GTF3C4: variants seen among roughly 807,000 people sequenced by gnomAD.
GTF3C4 encodes the protein general transcription factor IIIC subunit 4.
GTF3C4 carries 28 observed loss-of-function variants against 67.5 expected under a neutral mutation model. That is an observed-to-expected ratio of 0.41 (90% CI 0.31 to 0.57). The LOEUF (loss-of-function observed/expected upper bound fraction) is 0.57, where lower values mean the gene tolerates loss of function less well. Among genes scored for constraint, GTF3C4 ranks in the 20% least tolerant of loss-of-function variants. The pLI is 0.21. For synonymous variants in GTF3C4, 409 were observed against 393.0 expected (o/e 1.04, Z -0.48); for missense variants, 831 against 1,033.2 (o/e 0.80, Z 2.68).
chr9:132,682,748 G>T (rs1453764101), intron 2 of GTF3C4, among the ~76,000 whole-genome samples: 1 of 151,834 alleles, frequency 6.6e-6, no homozygotes, highest in African/African-American at 2.4e-5. Context: ...GGAATTACAG[G>T]TATGTGCCAC....
rs1836073699 is a variant in GTF3C4, at chr9:132,689,062, C to T, written c.*117C>T. The T allele has an allele frequency of 4.0e-6, 3 of 746,608 alleles. No individual in the cohort carries two copies. Among genetic ancestry groups the T allele is most frequent in the South Asian group, 1.5e-5 (1 of 67,060 alleles). The allele number at this position is 746,608 out of a possible 1,614,324, so 46.2% of individuals were successfully genotyped here. ...GGACCCTCACGAGTGGAGAGAAGTC[C>T]TTGGTGATTGTAAAGAGGGCCCCTG... is the stretch of plus-strand genomic sequence containing the variant. On this transcript the variant is annotated 3_prime_UTR_variant, in exon 5 of 5. Coordinates refer to ENST00000372146, the MANE Select transcript of GTF3C4 (RefSeq NM_012204.4).
chr9:132,693,359 A>AT lies in GTF3C4; in HGVS notation c.*4415dup, dbSNP rs1169165688. On this transcript the variant is annotated 3_prime_UTR_variant, in exon 5 of 5. Transcript: ENST00000372146. The stretch of plus-strand genomic sequence containing the variant: ...CAGCTTATCTTGTATTTTCTGAGTC[A>AT]TAACTATACTCTAGGGCCAAGACCT... 6.6e-6 allele frequency: 1 copy of AT among 152,230 alleles called. No individual in the cohort carries two copies. Among genetic ancestry groups the AT allele is most frequent in the Non-Finnish European group, 1.5e-5 (1 of 68,034 alleles). 9.4% of individuals were successfully genotyped at this position (152,230 alleles called of 1,614,324 possible). A position where few individuals can be genotyped will look rare whatever the true frequency, so the allele number is the denominator to read the frequency against.
Position 132,670,486 on chromosome 9 carries a change from C to T in GTF3C4, c.-113C>T, listed in dbSNP as rs1318668423. Reference sequence around the variant, plus strand: ...CTTCTTGGCTCGGCGGCGCTCGGGGCCTGAGGGGAGAAAACCGCCGCGGAG... The same window carrying T: ...CTTCTTGGCTCGGCGGCGCTCGGGGTCTGAGGGGAGAAAACCGCCGCGGAG... On this transcript the variant is annotated 5_prime_UTR_variant, in exon 1 of 5. Coordinates refer to ENST00000372146, the MANE Select transcript of GTF3C4 (RefSeq NM_012204.4). 2.9e-6 allele frequency: 3 copies of T among 1,031,960 alleles called. No homozygotes were observed. Among genetic ancestry groups the T allele is most frequent in the Admixed American group, 3.8e-5 (1 of 26,268 alleles). The allele number at this position is 1,031,960 out of a possible 1,614,324, so 63.9% of individuals were successfully genotyped here.
At chr9:132,672,454 G>T (rs1014284087) in intron 1 of GTF3C4, among the ~76,000 whole-genome samples, 7 of 152,164 alleles carry the variant, frequency 4.6e-5, no homozygotes, top group Admixed American at 3.3e-4. Flanking sequence ...ATTCCAGGCG[G>T]CAGGAATGAG....
At chr9:132,676,766 T>A (rs1388970060) in intron 1 of GTF3C4, among the ~76,000 whole-genome samples, 2 of 152,242 alleles carry the variant, frequency 1.3e-5, no homozygotes, top group African/African-American at 4.8e-5. Context: ...TCCTCTAGGC[T>A]TGAACATTTA....
intron 3 of GTF3C4, among the ~76,000 whole-genome samples, chr9:132,686,505 T>C (rs1157057526): frequency 2.0e-5 from 3 of 152,132 alleles, no homozygotes; most frequent in Admixed American, 2.0e-4. Flanking sequence ...CTGAAAACTG[T>C]TATTTTTTGG....
Position 132,692,702 on chromosome 9 carries a change from A to G in GTF3C4, c.*3757A>G, listed in dbSNP as rs1836137210. Reference sequence around the variant, plus strand: ...TGCGTTGGAGTTTAGCAATTCAGTGAGACTGGGGAGTGTCTCAAGAATGGA... The same window carrying G: ...TGCGTTGGAGTTTAGCAATTCAGTGGGACTGGGGAGTGTCTCAAGAATGGA... On this transcript the variant is annotated 3_prime_UTR_variant, in exon 5 of 5. Transcript: ENST00000372146. 1.3e-5 allele frequency: 2 copies of G among 152,208 alleles called. No homozygotes were observed. The highest frequency in any genetic ancestry group is 2.4e-5 in the African/African-American group (1 of 41,434). The allele number at this position is 152,208 out of a possible 1,614,324, so 9.4% of individuals were successfully genotyped here.
In GTF3C4 at chr9:132,671,708, A is replaced by G. The variant is rs373355958; in HGVS notation, c.357+753A>G. Among the ~76,000 whole-genome samples, 3 of 118,424 alleles carry G rather than the reference A, an allele frequency of 2.5e-5. No homozygotes were observed. The South Asian group carries it at 7.5e-4, about 30-fold the overall frequency. The allele number at this position is 118,424 out of a possible 152,430, so 77.7% of individuals were successfully genotyped here. A position where few individuals can be genotyped will look rare whatever the true frequency, so the allele number is the denominator to read the frequency against. ...ATCCTTGATAGAGGTGTACGCTTAC[A>G]TGTGAACTGTCAGTGTATATTCATA... On this transcript the variant is annotated intron_variant, in intron 1 of 4. Coordinates refer to ENST00000372146, the MANE Select transcript of GTF3C4 (RefSeq NM_012204.4).
intron 2 of GTF3C4, among the ~76,000 whole-genome samples, chr9:132,682,430 A>G (rs1312251667): frequency 6.6e-6 from 1 of 152,052 alleles, no homozygotes; most frequent in African/African-American, 2.4e-5. Flanking sequence ...GAGGTTAAGC[A>G]GAAATGGATT....
At position 132,678,704 on chromosome 9, in the gene GTF3C4, T is replaced by C; in HGVS notation, c.1085T>C (p.Leu362Ser). 1 of 1,614,216 alleles carries C rather than the reference T, an allele frequency of 6.2e-7. No individual in the cohort carries two copies. The highest frequency in any genetic ancestry group is 8.5e-7 in the Non-Finnish European group (1 of 1,180,030). ...GYFTLRQPVILWKEMDQLPVH... is the reference protein window; with the variant it reads ...GYFTLRQPVISWKEMDQLPVH... ...TTCACTTTAAGGCAGCCTGTTATCT[T>C]GTGGAAAGAAATGGACCAGTTACCT... Residue 362 changes from leucine (L) to serine (S), a missense_variant, in exon 2 of 5, where the codon TTG (leucine) becomes TCG (serine). Leu to Ser is a moderately radical substitution (Grantham distance 145, BLOSUM62 -2). This residue lies in a region of GTF3C4 where 390 missense variants were observed against 540.3 expected (regional missense o/e 0.72). Transcript: ENST00000372146. The surrounding 1 kb of genome is among the most constrained non-coding windows in gnomAD (Gnocchi z 6.5).
chr9:132,693,901 A>G lies in GTF3C4; in HGVS notation c.*4956A>G, dbSNP rs1451065230. The G allele has an allele frequency of 6.6e-6, 1 of 152,206 alleles. No homozygotes were observed. Among genetic ancestry groups the G allele is most frequent in the Non-Finnish European group, 1.5e-5 (1 of 68,034 alleles). The allele number at this position is 152,206 out of a possible 1,614,324, so 9.4% of individuals were successfully genotyped here. On this transcript the variant is annotated 3_prime_UTR_variant, in exon 5 of 5. Coordinates refer to ENST00000372146, the MANE Select transcript of GTF3C4 (RefSeq NM_012204.4). ...TTTATAGAAAAGACTATATAGAAAA[A>G]TAAGTCTGTGTTGTGTATAGTGATA...
upstream of GTF3C4, chr9:132,670,056 C>T (rs1053485854): frequency 2.6e-6 from 4 of 1,565,504 alleles, no homozygotes; most frequent in African/African-American, 5.4e-5. Flanking sequence ...GGAACGGCTC[C>T]AGCTGTACGG....
rs1590142199 is a variant in GTF3C4, at chr9:132,691,739, A to G, written c.*2794A>G. 1 of 152,280 alleles carries G rather than the reference A, an allele frequency of 6.6e-6. No individual in the cohort carries two copies. The highest frequency in any genetic ancestry group is 1.9e-4 in the East Asian group (1 of 5,188). 9.4% of individuals were successfully genotyped at this position (152,280 alleles called of 1,614,324 possible). A position where few individuals can be genotyped will look rare whatever the true frequency, so the allele number is the denominator to read the frequency against. ...ACTATTATATCTGCCAAAACTACCAATTATTTTTCAATGTCAGAAGTTATT... is the reference window on the plus strand; with the variant it reads ...ACTATTATATCTGCCAAAACTACCAGTTATTTTTCAATGTCAGAAGTTATT... On this transcript the variant is annotated 3_prime_UTR_variant, in exon 5 of 5. Transcript: ENST00000372146.
Position 132,679,906 on chromosome 9 carries a change from A to G in GTF3C4, c.2184+103A>G. 2 of 1,070,444 alleles carry G rather than the reference A, an allele frequency of 1.9e-6. No individual in the cohort carries two copies. The highest frequency in any genetic ancestry group is 1.7e-5 in the South Asian group (1 of 60,166). The allele number at this position is 1,070,444 out of a possible 1,614,324, so 66.3% of individuals were successfully genotyped here. ...CCTGAAGCTCAACTTTTGCTTTGAC[A>G]TTTTTTAGGTAATTTATTTGCTTGA... On this transcript the variant is annotated intron_variant, in intron 2 of 4. Transcript: ENST00000372146. The surrounding 1 kb of genome is among the most constrained non-coding windows in gnomAD (Gnocchi z 5.9).
chr9:132,671,746 A>G (rs984319408), intron 1 of GTF3C4, among the ~76,000 whole-genome samples: 14 of 152,190 alleles, frequency 9.2e-5, no homozygotes, highest in Non-Finnish European at 1.2e-4. Context: ...TTCAATAGAT[A>G]TTTGAATACC....
rs1836166571 is a variant in GTF3C4 at position 132,694,487 on chromosome 9, C to T, written c.*5542C>T. ...TCCCACATCCTTAGCACTACTTAAC[C>T]TTCTTTTCCTGAAGATTACATATCA... On this transcript the variant is annotated 3_prime_UTR_variant, in exon 5 of 5. Transcript: ENST00000372146. The T allele has an allele frequency of 6.6e-6, 1 of 152,204 alleles. No homozygotes were observed. The highest frequency in any genetic ancestry group is 1.5e-5 in the Non-Finnish European group (1 of 68,042). 9.4% of individuals were successfully genotyped at this position (152,204 alleles called of 1,614,324 possible). A position where few individuals can be genotyped will look rare whatever the true frequency, so the allele number is the denominator to read the frequency against.
At chr9:132,687,187 G>A (rs1836043231) in intron 3 of GTF3C4, 52 bp from the exon 4 acceptor site, 1 of 941,802 alleles carries the variant, frequency 1.1e-6, no homozygotes, top group Non-Finnish European at 1.8e-6. Flanking sequence ...CAGTTTCTGA[G>A]TGTTAGTAGA....
intron 1 of GTF3C4, among the ~76,000 whole-genome samples, chr9:132,674,671 T>C (rs1835839094): frequency 6.6e-6 from 1 of 152,276 alleles, no homozygotes; most frequent in African/African-American, 2.4e-5. Flanking sequence ...ACCTTTCATT[T>C]GGTACACAAC....
chr9:132,680,127 T>A (rs17149515), intron 2 of GTF3C4, among the ~76,000 whole-genome samples: 5 of 152,332 alleles, frequency 3.3e-5, no homozygotes, highest in Admixed American at 2.0e-4. Context: ...TGTAGAAATA[T>A]GGTGCCCATG....
Sources: allele counts gnomAD v4.1 joint callset (sites outside exome capture counted in the v4.1 genomes callset), GRCh38; gene constraint gnomAD v4.1.1; regional missense constraint gnomAD v4.1.1; non-coding constraint Gnocchi (gnomAD v3.1); transcripts MANE v1.5; gene names NCBI Gene and HGNC (gene_info 2026-07-23, HGNC 2026-07-21).